TRPC5: variants seen among roughly 807,000 people sequenced by gnomAD.
The protein encoded by TRPC5 is transient receptor potential cation channel subfamily C member 5.
TRPC5 carries 9 observed loss-of-function variants against 56.5 expected under a neutral mutation model. That is an observed-to-expected ratio of 0.16 (90% CI 0.10 to 0.28). TRPC5 has a LOEUF of 0.28. Ranked by LOEUF, TRPC5 falls within the 10% of genes least tolerant of loss-of-function variation. The probability of loss-of-function intolerance (pLI) is 1.00; values close to 1 mark genes in which losing one functional copy is unlikely to be tolerated. For synonymous variants in TRPC5, 282 were observed against 278.5 expected (o/e 1.01, Z -0.13); for missense variants, 469 against 748.9 (o/e 0.63, Z 4.36).
chrX:112,018,653 G>A (rs771171576), intron 1 of TRPC5, among the ~76,000 whole-genome samples: 35 of 112,171 alleles, frequency 3.1e-4, no homozygotes, highest in Non-Finnish European at 3.9e-4. Flanking sequence ...TTTTTATTGC[G>A]GCATAAAAAT....
At chrX:111,816,223 G>A (rs1921856488) in intron 7 of TRPC5, among the ~76,000 whole-genome samples, 1 of 112,100 alleles carries the variant, frequency 8.9e-6, no homozygotes, top group African/African-American at 3.2e-5. Flanking sequence ...TTGGGTCCCT[G>A]AGACTGCACA....
At chrX:111,877,547 G>T (rs1924008946) in intron 3 of TRPC5, among the ~76,000 whole-genome samples, 1 of 111,262 alleles carries the variant, frequency 9.0e-6, no homozygotes, top group South Asian at 3.8e-4. Context: ...AGGTGATCAG[G>T]CAGGTAGTGT....
chrX:111,866,647 T>C (rs1327292166), intron 3 of TRPC5, among the ~76,000 whole-genome samples: 1 of 112,482 alleles, frequency 8.9e-6, no homozygotes, highest in African/African-American at 3.2e-5. Context: ...TATTTCTTGA[T>C]AGGAAAAATG....
chrX:112,010,027 T>C (rs1928951237), intron 1 of TRPC5, among the ~76,000 whole-genome samples: 1 of 111,971 alleles, frequency 8.9e-6, no homozygotes, highest in Admixed American at 9.5e-5. Context: ...GGTAGGATAC[T>C]CTAGTAGTTT....
chrX:112,058,926 G>C (rs1478859763), intron 1 of TRPC5, among the ~76,000 whole-genome samples: 1 of 111,345 alleles, frequency 9.0e-6, no homozygotes, highest in Non-Finnish European at 1.9e-5. Flanking sequence ...GAAAAGTTAA[G>C]CAAATTGCCC....
At chrX:112,020,523 A>C (rs1042279658) in intron 1 of TRPC5, among the ~76,000 whole-genome samples, 1 of 112,258 alleles carries the variant, frequency 8.9e-6, no homozygotes, top group Non-Finnish European at 1.9e-5. Flanking sequence ...ACCTTACCTG[A>C]GTGACATTCT....
At chrX:111,968,538 C>A (rs1037545874) in intron 1 of TRPC5, among the ~76,000 whole-genome samples, 30 of 108,830 alleles carry the variant, frequency 2.8e-4, no homozygotes, top group African/African-American at 8.4e-4. Context: ...ATGTTTATTG[C>A]GGCACTATTC....
chrX:111,801,085 C>T (rs892877785), intron 7 of TRPC5, among the ~76,000 whole-genome samples: 18 of 112,063 alleles, frequency 1.6e-4, no homozygotes, highest in African/African-American at 5.8e-4. Context: ...AACCACTAAT[C>T]ATTCTACTTT....
Position 111,847,444 on chromosome X carries a change from AAAC to A in TRPC5, c.1378-11_1378-9del. 8.4e-7 allele frequency: 1 copy of A among 1,195,865 alleles called. No individual in the cohort carries two copies. Among genetic ancestry groups the A allele is most frequent in the Non-Finnish European group, 1.1e-6 (1 of 885,196 alleles). On this transcript the variant is annotated splice_polypyrimidine_tract_variant and intron_variant, in intron 5 of 10. Transcript: ENST00000262839. ...TGGACGAGAACCATTATACTGAAAG[AAAC>A]AACAAGTGCACAAGATGAGGGGTAC...
intron 3 of TRPC5, among the ~76,000 whole-genome samples, chrX:111,911,645 T>C (rs1409454749): frequency 2.7e-5 from 3 of 112,603 alleles, no homozygotes; most frequent in Admixed American, 9.4e-5. Context: ...CTGCTTGAAC[T>C]GACCTCCCTC....
chrX:112,065,542 AT>A (rs1930563380), intron 1 of TRPC5, among the ~76,000 whole-genome samples: 1 of 111,882 alleles, frequency 8.9e-6, no homozygotes, highest in Non-Finnish European at 1.9e-5. Context: ...TCCCTTGAGT[AT>A]TATGACATTT....
chrX:111,984,689 T>G (rs1480350516), intron 1 of TRPC5, among the ~76,000 whole-genome samples: 2 of 111,777 alleles, frequency 1.8e-5, no homozygotes, highest in Non-Finnish European at 3.8e-5. Context: ...TGTAATGAAT[T>G]AGTGTGATAG....
At chrX:111,862,123 A>C (rs1195500038) in intron 3 of TRPC5, among the ~76,000 whole-genome samples, 5 of 111,986 alleles carry the variant, frequency 4.5e-5, no homozygotes, top group African/African-American at 1.6e-4. Context: ...CAATGAAGAC[A>C]ACTTTTTTTG....
rs767474347 is a variant in TRPC5 at position 112,000,341 on chromosome X, G to A, written c.-21-47900C>T. ...AATAAATGGGAGAGAAGGAACATAC[G>A]TTTGAATGAGATGGTACCAAAGCAC... On this transcript the variant is annotated intron_variant, in intron 1 of 10. Transcript: ENST00000262839. Among the ~76,000 whole-genome samples, 28 of 112,058 alleles carry A rather than the reference G, an allele frequency of 2.5e-4. No homozygotes were observed. The South Asian group carries it at 9.8e-3, about 39-fold the overall frequency.
intron 1 of TRPC5, among the ~76,000 whole-genome samples, chrX:112,056,856 C>T (rs753902664): frequency 8.9e-6 from 1 of 112,329 alleles, no homozygotes; most frequent in Non-Finnish European, 1.9e-5. Flanking sequence ...CATTGAGTGG[C>T]AATTTCAATT....
At chrX:111,962,849 C>A (rs746339552) in intron 1 of TRPC5, among the ~76,000 whole-genome samples, 5 of 111,633 alleles carry the variant, frequency 4.5e-5, no homozygotes, top group Non-Finnish European at 7.5e-5. Context: ...GGGGGTGGAG[C>A]CAAGATGGCC....
intron 2 of TRPC5, among the ~76,000 whole-genome samples, chrX:111,933,509 G>C (rs1305974949): frequency 9.0e-6 from 1 of 110,727 alleles, no homozygotes; most frequent in African/African-American, 3.3e-5. Context: ...TGATGCATGA[G>C]GTTAAGGGAG....
intron 1 of TRPC5, among the ~76,000 whole-genome samples, chrX:111,958,368 C>T (rs1927289851): frequency 8.9e-6 from 1 of 112,023 alleles, no homozygotes; most frequent in Non-Finnish European, 1.9e-5. Flanking sequence ...TATTTGTTCA[C>T]TATTTTAACA....
intron 3 of TRPC5, among the ~76,000 whole-genome samples, chrX:111,907,030 GT>G (rs988263486): frequency 1.2e-4 from 13 of 105,881 alleles, no homozygotes; most frequent in Non-Finnish European, 2.5e-4. Flanking sequence ...TCTAGAGGCT[GT>G]TTCTCTTTGA....
Sources: allele counts gnomAD v4.1 joint callset (sites outside exome capture counted in the v4.1 genomes callset), GRCh38; gene constraint gnomAD v4.1.1; transcripts MANE v1.5; gene names NCBI Gene and HGNC (gene_info 2026-07-23, HGNC 2026-07-21).